Variants in GK5 observed in about 807,000 individuals in gnomAD.
The protein encoded by GK5 is glycerol kinase 5.
A neutral mutation model predicts 77.3 loss-of-function variants in GK5; 39 were observed. That is an observed-to-expected ratio of 0.50 (90% CI 0.39 to 0.66). The LOEUF (loss-of-function observed/expected upper bound fraction) is 0.66, where lower values mean the gene tolerates loss of function less well. Ranked by LOEUF, GK5 falls within the 30% of genes least tolerant of loss-of-function variation. GK5 has a pLI of 0.00. For missense variants in GK5, 487 were observed against 633.8 expected (o/e 0.77, Z 2.49); for synonymous variants, 211 against 208.0 (o/e 1.01, Z -0.13).
chr3:142,221,243 T>G lies in GK5; in HGVS notation c.147+4066A>C, dbSNP rs140232293. ...AAAAAAACAGATTTAACACAATCTATTCTCCTTCTGTCAATTAATACTTCT... is the reference window on the plus strand; with the variant it reads ...AAAAAAACAGATTTAACACAATCTAGTCTCCTTCTGTCAATTAATACTTCT... On this transcript the variant is annotated intron_variant, in intron 1 of 15. Coordinates refer to ENST00000392993, the MANE Select transcript of GK5 (RefSeq NM_001039547.3). 6.9e-3 allele frequency among the ~76,000 whole-genome samples: 1,048 copies of G among 152,358 alleles called. 15 individuals are homozygous for G. Among genetic ancestry groups the G allele is most frequent in the African/African-American group, 0.024 (989 of 41,590 alleles).
intron 4 of GK5, among the ~76,000 whole-genome samples, chr3:142,200,617 T>G (rs1406825433): frequency 2.6e-5 from 4 of 152,232 alleles, no homozygotes; most frequent in Non-Finnish European, 2.9e-5. Context: ...TTCCTCTTTA[T>G]ACACCCTACA....
intron 5 of GK5, among the ~76,000 whole-genome samples, 193 bp downstream of exon 5, chr3:142,198,609 T>C (rs186715772): frequency 6.6e-6 from 1 of 152,312 alleles, no homozygotes; most frequent in African/African-American, 2.4e-5. Flanking sequence ...AGCAAAACTC[T>C]GTCTCAAAAA....
intron 9 of GK5, chr3:142,185,265 T>C (rs1379816709): frequency 5.5e-6 from 2 of 360,370 alleles, no homozygotes; most frequent in Non-Finnish European, 7.7e-6. Context: ...TACAAAAAAT[T>C]AGCCAGGTGT....
At chr3:142,172,275 T>G in intron 13 of GK5, 78 bp downstream of exon 13, 1 of 674,222 alleles carries the variant, frequency 1.5e-6, no homozygotes, top group East Asian at 2.6e-5. Flanking sequence ...ATTAAGAAAT[T>G]TTCCATTTAG....
At chr3:142,178,925 A>G (rs2063657942) in intron 11 of GK5, among the ~76,000 whole-genome samples, 1 of 152,234 alleles carries the variant, frequency 6.6e-6, no homozygotes, top group Non-Finnish European at 1.5e-5. Flanking sequence ...TCTTCCTGCC[A>G]ATAATTGATA....
At chr3:142,218,350 C>T (rs1021952186) in intron 1 of GK5, among the ~76,000 whole-genome samples, 15 of 138,326 alleles carry the variant, frequency 1.1e-4, no homozygotes, top group East Asian at 2.0e-4. Flanking sequence ...TTGGGCAACG[C>T]GGTGAAACTC....
intron 10 of GK5, among the ~76,000 whole-genome samples, chr3:142,182,408 G>A (rs962660018): frequency 2.6e-5 from 4 of 151,824 alleles, no homozygotes; most frequent in East Asian, 3.9e-4. Context: ...GCAGTGGCGC[G>A]ATCTTGGCTC....
At chr3:142,217,338 G>C (rs564537060) in intron 1 of GK5, among the ~76,000 whole-genome samples, 5 of 151,888 alleles carry the variant, frequency 3.3e-5, no homozygotes, top group Non-Finnish European at 5.9e-5. Context: ...AGTCATAAAA[G>C]ACATAAAAAA....
At chr3:142,206,901 C>T (rs894894268) in intron 3 of GK5, among the ~76,000 whole-genome samples, 1 of 152,158 alleles carries the variant, frequency 6.6e-6, no homozygotes, top group Non-Finnish European at 1.5e-5. Context: ...TCAGCACCAA[C>T]CTATGATTGC....
rs570003189 is a variant in GK5, at chr3:142,225,539, C to T, written c.-84G>A. 23 of 1,485,082 alleles carry T rather than the reference C, an allele frequency of 1.5e-5. No individual in the cohort carries two copies. The South Asian group carries it at 2.0e-4, about 13-fold the overall frequency. 92.0% of individuals were successfully genotyped at this position (1,485,082 alleles called of 1,614,324 possible). ...CAATGCTCCAGAGTCCCCGGGCGGC[C>T]CAACCCGGGCCCCAACCCGGCTCAG... On this transcript the variant is annotated 5_prime_UTR_variant, in exon 1 of 16. Transcript: ENST00000392993.
chr3:142,209,105 CA>C (rs1437995823), intron 3 of GK5, among the ~76,000 whole-genome samples: 3 of 151,574 alleles, frequency 2.0e-5, no homozygotes, highest in South Asian at 2.1e-4. Context: ...GCCGAGATAG[CA>C]CCACTGCACT....
At chr3:142,165,841 A>G in intron 15 of GK5, 71 bp from the exon 16 acceptor site, 1 of 985,070 alleles carries the variant, frequency 1.0e-6, no homozygotes, top group East Asian at 2.7e-5. Context: ...CCAAAAACCT[A>G]TACGAGTTGC....
chr3:142,177,106 G>A (rs1446322241), intron 12 of GK5, among the ~76,000 whole-genome samples: 2 of 152,124 alleles, frequency 1.3e-5, no homozygotes, highest in Non-Finnish European at 2.9e-5. Flanking sequence ...TTTCCTCTAA[G>A]TAAAGAATGC....
chr3:142,195,519 T>C (rs2063921989), intron 5 of GK5, among the ~76,000 whole-genome samples: 1 of 152,206 alleles, frequency 6.6e-6, no homozygotes, highest in Non-Finnish European at 1.5e-5. Flanking sequence ...AATTTTTTAA[T>C]TTTTAATTTT....
Position 142,223,934 on chromosome 3 carries a change from C to G in GK5, c.147+1375G>C, listed in dbSNP as rs551782853. 2.0e-5 allele frequency among the ~76,000 whole-genome samples: 3 copies of G among 152,338 alleles called. No homozygotes were observed. In the East Asian group the frequency reaches 5.8e-4, roughly 29 times the overall value. On this transcript the variant is annotated intron_variant, in intron 1 of 15. Coordinates refer to ENST00000392993, the MANE Select transcript of GK5 (RefSeq NM_001039547.3). The stretch of plus-strand genomic sequence containing the variant: ...CTACTCACTGGCACTCTAGCTGGAC[C>G]TTGCTCCTGGGCAAGTGCTACAAAG...
chr3:142,195,586 A>C (rs2063923021), intron 5 of GK5, among the ~76,000 whole-genome samples: 1 of 152,198 alleles, frequency 6.6e-6, no homozygotes, highest in South Asian at 2.1e-4. Context: ...TCCTGGGCTC[A>C]AGCAATACTC....
In GK5 at chr3:142,182,975, A is replaced by C. The variant is rs146285315; in HGVS notation, c.891T>G (p.Thr297=). The change falls in exon 10 of 16, where the codon ACT becomes ACG. Residue 297 remains threonine (T), a synonymous_variant. Transcript: ENST00000392993. ...CAGTGTTAATATCCAAAAATGTCCC[A>C]GTTCCCATGGTTAATTTCACATCAC... The part of the protein sequence containing the change: ...QTGDVKLTMG[T]GTFLDINTGN... The C allele has an allele frequency of 3.5e-5, 57 of 1,613,040 alleles. No homozygotes were observed. The highest frequency in any genetic ancestry group is 4.5e-5 in the Non-Finnish European group (53 of 1,179,138).
intron 3 of GK5, among the ~76,000 whole-genome samples, chr3:142,212,220 G>A (rs999284303): frequency 5.9e-5 from 9 of 152,154 alleles, no homozygotes; most frequent in South Asian, 2.1e-4. Context: ...GTACGTGGGC[G>A]GGGGGATTTT....
chr3:142,169,334 CAAG>C (rs2063508567), intron 15 of GK5, among the ~76,000 whole-genome samples: 2 of 152,202 alleles, frequency 1.3e-5, no homozygotes, highest in Non-Finnish European at 2.9e-5. Flanking sequence ...CTAATTTGAG[CAAG>C]AATACTGCTA....
Sources: allele counts gnomAD v4.1 joint callset (sites outside exome capture counted in the v4.1 genomes callset), GRCh38; gene constraint gnomAD v4.1.1; transcripts MANE v1.5; gene names NCBI Gene and HGNC (gene_info 2026-07-23, HGNC 2026-07-21).